The following C6 variants were observed in gnomAD, a reference collection of about 807,000 sequenced individuals.
The protein encoded by C6 is complement component C6.
Under a neutral mutation model 112.9 loss-of-function variants are expected in C6, and 101 were observed. That is an observed-to-expected ratio of 0.89 (90% CI 0.76 to 1.06). C6 has a LOEUF of 1.06. Ranked by LOEUF, C6 falls within the 50% of genes least tolerant of loss-of-function variation. The pLI, the probability that C6 is intolerant of heterozygous loss-of-function variation, is 0.00. For synonymous variants in C6, 431 were observed against 384.1 expected (o/e 1.12, Z -1.43); for missense variants, 1,202 against 1,104.6 (o/e 1.09, Z -1.25).
In C6 at chr5:41,162,813, C is replaced by T. The variant is rs115259424; in HGVS notation, c.1292-954G>A. On this transcript the variant is annotated intron_variant, in intron 9 of 17. Transcript: ENST00000337836. ...GTATGGCTGCTTTTAGAGTCAAGTG[C>T]ATAACACAACACAGGTATAAGGCGT... Among the ~76,000 whole-genome samples the T allele has an allele frequency of 3.8e-3, 574 of 152,188 alleles. 7 individuals are homozygous for T. Among genetic ancestry groups the T allele is most frequent in the African/African-American group, 0.013 (554 of 41,524 alleles).
At chr5:41,212,566 G>T (rs1223030544) in intron 1 of C6, among the ~76,000 whole-genome samples, 1 of 152,014 alleles carries the variant, frequency 6.6e-6, no homozygotes, top group African/African-American at 2.4e-5. Context: ...ACATCTCTAG[G>T]CATTCTGGAG....
At chr5:41,225,936 T>G (rs1219171662) in intron 1 of C6, among the ~76,000 whole-genome samples, 6 of 152,164 alleles carry the variant, frequency 3.9e-5, no homozygotes, top group African/African-American at 1.2e-4. Flanking sequence ...CCTTACACCT[T>G]ATACAAAAAT....
chr5:41,170,075 A>C (rs1267273283), intron 9 of C6, among the ~76,000 whole-genome samples: 1 of 152,158 alleles, frequency 6.6e-6, no homozygotes, highest in Non-Finnish European at 1.5e-5. Context: ...TAATCAAGAA[A>C]AAATTCTTCC....
intron 9 of C6, among the ~76,000 whole-genome samples, chr5:41,165,676 T>A (rs1747919541): frequency 6.6e-6 from 1 of 152,176 alleles, no homozygotes; most frequent in Non-Finnish European, 1.5e-5. Context: ...ATAGCAGACA[T>A]GTATTGAATA....
chr5:41,219,333 G>A (rs1400997524), intron 1 of C6, among the ~76,000 whole-genome samples: 1 of 152,156 alleles, frequency 6.6e-6, no homozygotes, highest in Non-Finnish European at 1.5e-5. Flanking sequence ...TTGTCTGTAG[G>A]ATGGAAGTGG....
At chr5:41,198,171 C>CT (rs1215478025) in intron 4 of C6, among the ~76,000 whole-genome samples, 1 of 152,106 alleles carries the variant, frequency 6.6e-6, no homozygotes, top group African/African-American at 2.4e-5. Flanking sequence ...GTCTTGGGGA[C>CT]TCTTGGGAGA....
intron 1 of C6, among the ~76,000 whole-genome samples, chr5:41,220,971 G>T (rs1454025077): frequency 6.6e-6 from 1 of 151,372 alleles, no homozygotes; most frequent in Middle Eastern, 3.5e-3. Context: ...ATACATTCTT[G>T]GCAGTTTAAT....
At chr5:41,259,681 C>T (rs1741924834) in intron 1 of C6, among the ~76,000 whole-genome samples, 1 of 152,204 alleles carries the variant, frequency 6.6e-6, no homozygotes, top group South Asian at 2.1e-4. Context: ...TGGGCCTTAA[C>T]TCTAATTTTA....
At chr5:41,254,061 G>A (rs1438811163) in intron 1 of C6, among the ~76,000 whole-genome samples, 10 of 152,172 alleles carry the variant, frequency 6.6e-5, no homozygotes, top group East Asian at 1.9e-4. Flanking sequence ...ATAAAAGTAC[G>A]TTCCTGACTG....
chr5:41,210,539 C>T (rs191527473), intron 1 of C6, among the ~76,000 whole-genome samples: 1 of 152,232 alleles, frequency 6.6e-6, no homozygotes, highest in African/African-American at 2.4e-5. Context: ...CAAACAACCC[C>T]ATCAAAAAGT....
intron 1 of C6, among the ~76,000 whole-genome samples, chr5:41,204,917 C>T (rs1027059977): frequency 2.6e-4 from 39 of 152,026 alleles, no homozygotes; most frequent in African/African-American, 9.2e-4. Context: ...GATCAGCCCA[C>T]CTCGGCCTCC....
upstream of C6, among the ~76,000 whole-genome samples, chr5:41,214,179 G>T (rs1331575810): frequency 6.6e-6 from 1 of 152,160 alleles, no homozygotes; most frequent in Non-Finnish European, 1.5e-5. Flanking sequence ...TTCTAGTCTT[G>T]TTTCTGCACT....
chr5:41,185,430 G>A (rs893360910), intron 6 of C6, among the ~76,000 whole-genome samples: 3 of 152,112 alleles, frequency 2.0e-5, no homozygotes, highest in African/African-American at 7.2e-5. Flanking sequence ...CCATTAAAAC[G>A]TGTATTTTCT....
At chr5:41,246,606 T>A (rs192523479) in intron 1 of C6, among the ~76,000 whole-genome samples, 193 of 151,944 alleles carry the variant, frequency 1.3e-3, no homozygotes, top group Non-Finnish European at 1.7e-3. Flanking sequence ...TAACTAGGAG[T>A]TTTTGAAAAA....
rs1038706896 is a variant in C6 at position 41,213,304 on chromosome 5, G to C, written c.-21+72C>G. On this transcript the variant is annotated intron_variant, in intron 1 of 17. Transcript: ENST00000337836. ...GTTACATATTTTTATGCATGAAATTGTAATTTTGTTGGAAACATGATTAAC... is the reference window on the plus strand; with the variant it reads ...GTTACATATTTTTATGCATGAAATTCTAATTTTGTTGGAAACATGATTAAC... 4.8e-6 allele frequency: 3 copies of C among 625,496 alleles called. No individual in the cohort carries two copies. The South Asian group carries it at 2.1e-4, about 44-fold the overall frequency. The allele number at this position is 625,496 out of a possible 1,614,324, so 38.7% of individuals were successfully genotyped here. A position where few individuals can be genotyped will look rare whatever the true frequency, so the allele number is the denominator to read the frequency against.
intron 9 of C6, among the ~76,000 whole-genome samples, chr5:41,169,119 A>C (rs528802677): frequency 6.6e-6 from 1 of 152,262 alleles, no homozygotes; most frequent in East Asian, 1.9e-4. Context: ...CAGGACCATC[A>C]ACATTGGCAA....
intron 1 of C6, among the ~76,000 whole-genome samples, chr5:41,230,626 T>TTTTGAC (rs2076697201): frequency 6.6e-6 from 1 of 152,166 alleles, no homozygotes; most frequent in Non-Finnish European, 1.5e-5. Context: ...GTAATTCTAA[T>TTTTGAC]TTTGCCTTTG....
chr5:41,151,109 A>G (rs1221558360), intron 15 of C6, among the ~76,000 whole-genome samples: 2 of 152,294 alleles, frequency 1.3e-5, no homozygotes, highest in African/African-American at 4.8e-5. Flanking sequence ...GTGTAACAAA[A>G]TCAGCCCTCG....
intron 1 of C6, among the ~76,000 whole-genome samples, chr5:41,243,099 G>C (rs1740826179): frequency 6.6e-6 from 1 of 151,988 alleles, no homozygotes; most frequent in South Asian, 2.1e-4. Context: ...TGAATATAGT[G>C]AATAATAGGA....
Sources: gnomAD v4.1 joint callset for allele counts (sites outside exome capture counted in the v4.1 genomes callset) on GRCh38, gnomAD v4.1.1 for gene constraint, MANE v1.5 for transcripts, NCBI Gene and HGNC (gene_info 2026-07-23, HGNC 2026-07-21) for gene names.